The following ADAM23 variants were observed in gnomAD, a reference collection of about 807,000 sequenced individuals.
The protein encoded by ADAM23 is ADAM metallopeptidase domain 23, also known as disintegrin and metalloproteinase domain-containing protein 23.
ADAM23 carries 33 observed loss-of-function variants against 120.1 expected under a neutral mutation model. That is an observed-to-expected ratio of 0.27 (90% CI 0.21 to 0.37). The LOEUF (loss-of-function observed/expected upper bound fraction) is 0.37, where lower values mean the gene tolerates loss of function less well. ADAM23 is among the 10% of genes least tolerant of loss of function. The pLI is 1.00. For missense variants in ADAM23, 862 were observed against 1,058.2 expected (o/e 0.81, Z 2.57); for synonymous variants, 367 against 375.2 (o/e 0.98, Z 0.25).
intron 22 of ADAM23, among the ~76,000 whole-genome samples, chr2:206,594,043 G>T (rs1169331607): frequency 1.3e-5 from 2 of 151,686 alleles, no homozygotes; most frequent in African/African-American, 4.8e-5. Context: ...CCCACAGTTT[G>T]CAGTACAGTA....
intron 25 of ADAM23, among the ~76,000 whole-genome samples, chr2:206,613,285 C>T (rs898599875): frequency 6.6e-6 from 1 of 152,160 alleles, no homozygotes; most frequent in Non-Finnish European, 1.5e-5. Flanking sequence ...TCTGGAACTT[C>T]CAACCTCAGG....
intron 4 of ADAM23, 89 bp downstream of exon 4, chr2:206,531,037 C>A: frequency 1.0e-6 from 1 of 984,158 alleles, no homozygotes; most frequent in Non-Finnish European, 1.5e-6. Flanking sequence ...TGACGTCTGT[C>A]TCAGTAAAAT....
intron 3 of ADAM23, among the ~76,000 whole-genome samples, chr2:206,514,627 G>T (rs988082558): frequency 6.6e-6 from 1 of 152,210 alleles, no homozygotes; most frequent in East Asian, 1.9e-4. Flanking sequence ...TGAGAGGATT[G>T]ACTCCAATTT....
chr2:206,600,213 C>A (rs545437152), intron 24 of ADAM23, among the ~76,000 whole-genome samples: 25 of 152,044 alleles, frequency 1.6e-4, no homozygotes, highest in South Asian at 6.2e-4. Context: ...GGAAAAAAAA[C>A]CAAAAACTGC....
chr2:206,502,927 C>T (rs990413694), intron 3 of ADAM23, among the ~76,000 whole-genome samples: 10 of 152,158 alleles, frequency 6.6e-5, no homozygotes, highest in Non-Finnish European at 1.2e-4. Flanking sequence ...CTTCATCCCC[C>T]AGGGGGAGCT....
chr2:206,464,199 T>A (rs769576936), intron 2 of ADAM23, among the ~76,000 whole-genome samples: 34 of 152,196 alleles, frequency 2.2e-4, no homozygotes, highest in Non-Finnish European at 3.8e-4. Context: ...GAACGAAACT[T>A]CCCATTTTTG....
At chr2:206,581,559 T>C (rs1439053035) in intron 18 of ADAM23, among the ~76,000 whole-genome samples, 3 of 152,238 alleles carry the variant, frequency 2.0e-5, no homozygotes, top group Non-Finnish European at 2.9e-5. Flanking sequence ...CAATTTCCAG[T>C]TTTATTCCAC....
intron 2 of ADAM23, among the ~76,000 whole-genome samples, chr2:206,448,546 A>G (rs980131134): frequency 5.9e-5 from 9 of 152,136 alleles, no homozygotes; most frequent in Non-Finnish European, 1.2e-4. Flanking sequence ...GGGGGTCCCT[A>G]AATAGCTTCA....
At chr2:206,553,358 C>G (rs991032309) in intron 9 of ADAM23, among the ~76,000 whole-genome samples, 1 of 152,112 alleles carries the variant, frequency 6.6e-6, no homozygotes. Context: ...ATTGATTGAA[C>G]CCGGGAGGTG....
intron 18 of ADAM23, among the ~76,000 whole-genome samples, chr2:206,577,852 T>G (rs1157542922): frequency 6.6e-6 from 1 of 151,606 alleles, no homozygotes; most frequent in African/African-American, 2.4e-5. Context: ...ACTTCCACAA[T>G]GGTTGAACTA....
rs147781331 is a variant in ADAM23 at position 206,518,103 on chromosome 2, T to C, written c.510-12782T>C. On this transcript the variant is annotated intron_variant, in intron 3 of 25. Transcript: ENST00000264377. ...GAAAGTTGTCTGGCTGCAGGAAAAA[T>C]GCTCATTTTTACAAATTGTCTTAAA... Among the ~76,000 whole-genome samples, 519 of 152,304 alleles carry C rather than the reference T, an allele frequency of 3.4e-3. 1 individual carries two copies. Among genetic ancestry groups the C allele is most frequent in the African/African-American group, 0.011 (466 of 41,572 alleles).
rs1443349185 is a variant in ADAM23 at position 206,588,085 on chromosome 2, C to A, written c.1789-6C>A. 1.2e-6 allele frequency: 2 copies of A among 1,613,794 alleles called. No homozygotes were observed. The highest frequency in any genetic ancestry group is 2.2e-5 in the East Asian group (1 of 44,868). On this transcript the variant is annotated splice_polypyrimidine_tract_variant and splice_region_variant and intron_variant, in intron 19 of 25. Coordinates refer to ENST00000264377, the MANE Select transcript of ADAM23 (RefSeq NM_003812.4). ...GTGTGCCTCACATGTGTGCTCCTGT[C>A]CCCAGGGCCGCTGCTACAATGGCGA...
At chr2:206,473,746 C>T (rs1695713934) in intron 2 of ADAM23, among the ~76,000 whole-genome samples, 1 of 151,834 alleles carries the variant, frequency 6.6e-6, no homozygotes, top group African/African-American at 2.4e-5. Flanking sequence ...GTAGCTCACA[C>T]CTATAATCCC....
intron 4 of ADAM23, among the ~76,000 whole-genome samples, chr2:206,532,191 C>T (rs1447054299): frequency 6.6e-6 from 1 of 152,110 alleles, no homozygotes; most frequent in African/African-American, 2.4e-5. Flanking sequence ...TGTGCCAGGG[C>T]CCTGAGCACT....
Position 206,594,717 on chromosome 2 carries a change from G to A in ADAM23, c.2079-20G>A, listed in dbSNP as rs1266718404. The stretch of plus-strand genomic sequence containing the variant: ...CTAAGTGTGGTGCAAATAGTTATAT[G>A]GGTATCTTTCTTGTTTTAGTGGTGC... On this transcript the variant is annotated intron_variant, in intron 22 of 25. Coordinates refer to ENST00000264377, the MANE Select transcript of ADAM23 (RefSeq NM_003812.4). 3.7e-6 allele frequency: 6 copies of A among 1,613,652 alleles called. No homozygotes were observed. The highest frequency in any genetic ancestry group is 3.3e-5 in the South Asian group (3 of 90,988).
At chr2:206,570,465 A>G (rs554043147) in intron 15 of ADAM23, among the ~76,000 whole-genome samples, 1 of 152,320 alleles carries the variant, frequency 6.6e-6, no homozygotes, top group East Asian at 1.9e-4. Flanking sequence ...GCTTGTCTCC[A>G]TGAAAAGTAA....
At chr2:206,470,584 G>A in intron 2 of ADAM23, among the ~76,000 whole-genome samples, 1 of 152,204 alleles carries the variant, frequency 6.6e-6, no homozygotes, top group East Asian at 1.9e-4. Context: ...GTAAAATTGT[G>A]AAACAGGACA....
intron 18 of ADAM23, among the ~76,000 whole-genome samples, chr2:206,583,957 G>C (rs575628922): frequency 1.3e-5 from 2 of 152,216 alleles, no homozygotes; most frequent in African/African-American, 4.8e-5. Context: ...TACCAGAGTT[G>C]GTTTTTTTGG....
chr2:206,617,842 G>A lies in ADAM23; in HGVS notation c.*215G>A. ...CCTTTCACCACCTGTCAGTAAACGG[G>A]GGAGGGGGCAAAAGACCATGCTATA... On this transcript the variant is annotated 3_prime_UTR_variant, in exon 26 of 26. Transcript: ENST00000264377. 9.9e-7 allele frequency: 1 copy of A among 1,007,794 alleles called. No homozygotes were observed. Among genetic ancestry groups the A allele is most frequent in the Non-Finnish European group, 1.3e-6 (1 of 753,304 alleles). 62.4% of individuals were successfully genotyped at this position (1,007,794 alleles called of 1,614,324 possible).
Sources: allele counts gnomAD v4.1 joint callset (sites outside exome capture counted in the v4.1 genomes callset), GRCh38; gene constraint gnomAD v4.1.1; transcripts MANE v1.5; gene names NCBI Gene and HGNC (gene_info 2026-07-23, HGNC 2026-07-21).